LOC128706666: variants seen among roughly 807,000 people sequenced by gnomAD.
the LOC128706666 span, among the ~76,000 whole-genome samples, chr20:10,428,202 T>C: frequency 1.3e-5 from 2 of 152,164 alleles, no homozygotes; most frequent in African/African-American, 4.8e-5. Context: ...GTTTATAGAG[T>C]TGTCTGAGAA....
the LOC128706666 span, among the ~76,000 whole-genome samples, chr20:10,432,789 CAAAAAAAAAAAA>C: frequency 1.3e-5 from 1 of 74,590 alleles, no homozygotes; most frequent in East Asian, 4.3e-4. Context: ...GACTCTTTGT[CAAAAAAAAAAAA>C]AAAAAAAAAA....
At chr20:10,418,538 T>C in the LOC128706666 span, among the ~76,000 whole-genome samples, 1 of 152,208 alleles carries the variant, frequency 6.6e-6, no homozygotes, top group East Asian at 1.9e-4. Context: ...AAAGCCTGTT[T>C]AAATATCTGC....
chr20:10,430,664 G>C, the LOC128706666 span, among the ~76,000 whole-genome samples: 19 of 152,282 alleles, frequency 1.2e-4, no homozygotes, highest in Non-Finnish European at 2.2e-4. Context: ...GTTTGACTAG[G>C]GTAGTGAATC....
the LOC128706666 span, among the ~76,000 whole-genome samples, chr20:10,417,984 C>T: frequency 1.2e-3 from 185 of 152,284 alleles, 1 homozygote; most frequent in African/African-American, 4.3e-3. Flanking sequence ...ATACGTAGAC[C>T]TTGTTTGGAT....
chr20:10,428,937 T>G, the LOC128706666 span, among the ~76,000 whole-genome samples: 9 of 152,180 alleles, frequency 5.9e-5, no homozygotes, highest in Non-Finnish European at 1.3e-4. Context: ...TACTGTGTCT[T>G]TGGGGTTCTA....
chr20:10,431,852 T>C, the LOC128706666 span: 1 of 152,260 alleles, frequency 6.6e-6, no homozygotes, highest in African/African-American at 2.4e-5. Context: ...ATTCTTCTGC[T>C]TCAGCTCTTA....
chr20:10,420,591 A>T, the LOC128706666 span: 1 of 152,234 alleles, frequency 6.6e-6, no homozygotes, highest in Admixed American at 6.5e-5. Flanking sequence ...AAAGTCCCAG[A>T]CTATCTTGCT....
chr20:10,420,835 A>G, the LOC128706666 span: 1 of 152,254 alleles, frequency 6.6e-6, no homozygotes, highest in Non-Finnish European at 1.5e-5. Context: ...CTAAATCACT[A>G]CAAGTAGCAT....
At chr20:10,424,776 G>A in the LOC128706666 span, among the ~76,000 whole-genome samples, 2 of 152,060 alleles carry the variant, frequency 1.3e-5, no homozygotes, top group African/African-American at 4.8e-5. Flanking sequence ...TTAGAGCAGG[G>A]CACGGTGGCT....
the LOC128706666 span, chr20:10,431,876 C>G: frequency 6.6e-6 from 1 of 152,376 alleles, no homozygotes; most frequent in South Asian, 2.1e-4. Context: ...CAGATGTCAC[C>G]TACTCAGAGA....
the LOC128706666 span, among the ~76,000 whole-genome samples, chr20:10,414,528 G>A: frequency 1.4e-4 from 22 of 152,224 alleles, no homozygotes; most frequent in African/African-American, 5.3e-4. Flanking sequence ...GCCTCCCAAA[G>A]TGCTGGGATT....
At chr20:10,422,690 A>G in the LOC128706666 span, among the ~76,000 whole-genome samples, 1 of 151,416 alleles carries the variant, frequency 6.6e-6, no homozygotes, top group Non-Finnish European at 1.5e-5. Flanking sequence ...TCCCCTCAAC[A>G]TGAGGTTATC....
the LOC128706666 span, among the ~76,000 whole-genome samples, chr20:10,424,192 T>G: frequency 6.6e-6 from 1 of 152,032 alleles, no homozygotes; most frequent in South Asian, 2.1e-4. Flanking sequence ...AATTAGCACT[T>G]TAAAATGACA....
the LOC128706666 span, among the ~76,000 whole-genome samples, chr20:10,424,798 T>A: frequency 2.6e-5 from 4 of 152,282 alleles, 1 homozygote; most frequent in African/African-American, 9.6e-5. Context: ...ATGCCTGTAA[T>A]CCCAGCACTT....
At chr20:10,417,245 TAAAAA>T in the LOC128706666 span, among the ~76,000 whole-genome samples, 1 of 132,418 alleles carries the variant, frequency 7.6e-6, no homozygotes. Context: ...GACTCCATCT[TAAAAA>T]AAAAAAAAAA....
the LOC128706666 span, among the ~76,000 whole-genome samples, chr20:10,419,154 C>T: frequency 6.6e-6 from 1 of 152,030 alleles, no homozygotes; most frequent in African/African-American, 2.4e-5. Context: ...GGTTCTTCTT[C>T]CATAAAGAGC....
At chr20:10,432,100 G>C in the LOC128706666 span, among the ~76,000 whole-genome samples, 1 of 152,198 alleles carries the variant, frequency 6.6e-6, no homozygotes, top group Non-Finnish European at 1.5e-5. Context: ...TGGCTGAAGA[G>C]AGTTGAAGTT....
the LOC128706666 span, among the ~76,000 whole-genome samples, chr20:10,414,827 A>C: frequency 6.6e-6 from 1 of 152,216 alleles, no homozygotes; most frequent in Non-Finnish European, 1.5e-5. Context: ...CCATGTTTTA[A>C]ACACCTGGCT....
the LOC128706666 span, among the ~76,000 whole-genome samples, chr20:10,424,853 A>T: frequency 6.6e-6 from 1 of 152,042 alleles, no homozygotes; most frequent in African/African-American, 2.4e-5. Context: ...GGAGTTTGAG[A>T]CCAGTCTGGC....
Sources: allele counts gnomAD v4.1 joint callset (sites outside exome capture counted in the v4.1 genomes callset), GRCh38; gene constraint gnomAD v4.1.1; transcripts MANE v1.5.